Variants in TAF5L observed in about 807,000 individuals in gnomAD.
The protein encoded by TAF5L is TATA-box binding protein associated factor 5 like.
A neutral mutation model predicts 51.3 loss-of-function variants in TAF5L; 7 were observed. That is an observed-to-expected ratio of 0.14 (90% CI 0.08 to 0.26). The LOEUF (loss-of-function observed/expected upper bound fraction) is 0.26. TAF5L is among the 10% of genes least tolerant of loss of function. The pLI is 1.00. For synonymous variants in TAF5L, 291 were observed against 308.1 expected, an observed-to-expected ratio of 0.94 and a Z score of 0.58; for missense variants, 575 against 758.9, an observed-to-expected ratio of 0.76 and a Z score of 2.85.
chr1:229,608,251 G>A (rs1233860821), intron 3 of TAF5L, among the ~76,000 whole-genome samples: 1 of 152,088 alleles, frequency 6.6e-6, no homozygotes, highest in Non-Finnish European at 1.5e-5. Context: ...GGAAATAAGG[G>A]TTACAAAATA....
intron 1 of TAF5L, among the ~76,000 whole-genome samples, chr1:229,617,917 G>C (rs1665066171): frequency 6.6e-6 from 1 of 152,164 alleles, no homozygotes; most frequent in Non-Finnish European, 1.5e-5. Flanking sequence ...TCAACTGTAT[G>C]GCCATGGATC....
intron 2 of TAF5L, 150 bp downstream of exon 2, chr1:229,614,191 A>G (rs1558152324): frequency 7.8e-7 from 1 of 1,287,252 alleles, no homozygotes; most frequent in East Asian, 2.5e-5. Flanking sequence ...TCTGAGGCCA[A>G]CATCATTCAC....
chr1:229,605,128 A>ATATATATATATATATATATATATTT (rs1340196774), intron 3 of TAF5L, among the ~76,000 whole-genome samples: 1 of 145,098 alleles, frequency 6.9e-6, no homozygotes, highest in African/African-American at 2.6e-5. Context: ...ATATATATGT[A>ATATATATATATATATATATATATTT]TTTTTTTTTT....
At chr1:229,614,196 A>T (rs778810758) in intron 2 of TAF5L, 145 bp downstream of exon 2, 1 of 1,332,154 alleles carries the variant, frequency 7.5e-7, no homozygotes. Flanking sequence ...GGCCAACATC[A>T]TTCACTTAAC....
intron 3 of TAF5L, among the ~76,000 whole-genome samples, chr1:229,603,928 C>T (rs1299978904): frequency 6.6e-6 from 1 of 152,254 alleles, no homozygotes; most frequent in Non-Finnish European, 1.5e-5. Flanking sequence ...TCACAGTCAC[C>T]AGTGCTGTCC....
chr1:229,595,052 G>A lies in TAF5L; in HGVS notation c.1015C>T (p.Arg339Trp), dbSNP rs142066323. 3.8e-5 allele frequency: 61 copies of A among 1,611,626 alleles called. No individual in the cohort carries two copies. Among genetic ancestry groups the A allele is most frequent in the East Asian group, 2.9e-4 (13 of 44,840 alleles). ...CTGTACACTGGTCCGCAGTGGCCCC[G>A]CAGTATCTTCATCTCCGTGCCTGCA... Residue 339 changes from arginine to tryptophan, a missense_variant, in exon 5 of 5, where the codon CGG (arginine) becomes TGG (tryptophan). This residue lies in a region of TAF5L where 380 missense variants were observed against 443.7 expected (regional missense o/e 0.86). Transcript: ENST00000258281.
intron 1 of TAF5L, among the ~76,000 whole-genome samples, chr1:229,622,522 C>T (rs957998268): frequency 1.3e-5 from 2 of 152,140 alleles, no homozygotes; most frequent in Admixed American, 6.5e-5. Context: ...AACTCTACTA[C>T]CATTTTCCTT....
intron 4 of TAF5L, among the ~76,000 whole-genome samples, chr1:229,598,081 C>T (rs1001453508): frequency 6.6e-6 from 1 of 152,180 alleles, no homozygotes; most frequent in African/African-American, 2.4e-5. Flanking sequence ...CTGCTATCTA[C>T]GTGGGAGATG....
intron 4 of TAF5L, among the ~76,000 whole-genome samples, chr1:229,597,126 C>A (rs1664153414): frequency 6.6e-6 from 1 of 152,048 alleles, no homozygotes; most frequent in Admixed American, 6.6e-5. Context: ...GAATGACTCA[C>A]TGCTCTACAC....
chr1:229,594,603 C>T lies in TAF5L; in HGVS notation c.1464G>A (p.Glu488=), dbSNP rs568590839. 1 of 1,614,194 alleles carries T rather than the reference C, an allele frequency of 6.2e-7. No individual in the cohort carries two copies. The highest frequency in any genetic ancestry group is 1.3e-5 in the African/African-American group (1 of 75,060). ...AGTCCCACAGCTTCAACCGCTGGTCCTCGCCAGCAGACGCCAAGTACTTAC... is the reference window on the plus strand; with the variant it reads ...AGTCCCACAGCTTCAACCGCTGGTCTTCGCCAGCAGACGCCAAGTACTTAC... The change falls in exon 5 of 5, where the codon GAG becomes GAA. Residue 488 remains glutamate (E), a synonymous_variant. Coordinates refer to ENST00000258281, the Ensembl canonical transcript of TAF5L. This position sits in a 1 kb window ranked among gnomAD's most constrained non-coding sequence, Gnocchi z 7.9.
rs10578192 is a variant in TAF5L, at chr1:229,622,018, CATCTATCTATCTATCTATCTATCTATCT to C, written c.-4+3839_-4+3866del. 3.4e-5 allele frequency among the ~76,000 whole-genome samples: 5 copies of C among 149,056 alleles called. No individual in the cohort carries two copies. In the East Asian group the frequency reaches 5.9e-4, roughly 18 times the overall value. On this transcript the variant is annotated intron_variant, in intron 1 of 4. Transcript: ENST00000258281. The stretch of plus-strand genomic sequence containing the variant: ...AGCAGAACTTCTTTTCATTCATCAT[CATCTATCTATCTATCTATCTATCTATCT>C]ATCTATCTATCTATCTATCTATACA...
chr1:229,594,883 T>C lies in TAF5L; in HGVS notation c.1184A>G (p.Tyr395Cys). The C allele has an allele frequency of 6.2e-7, 1 of 1,614,194 alleles. No homozygotes were observed. Among genetic ancestry groups the C allele is most frequent in the African/African-American group, 1.3e-5 (1 of 75,042 alleles). Reference sequence around the variant, plus strand: ...GGACCCGCTGGCGAAGTACAGGCTATATGGACTGATGTCCAGATCCCACAC... The same window carrying C: ...GGACCCGCTGGCGAAGTACAGGCTACATGGACTGATGTCCAGATCCCACAC... Residue 395 changes from tyrosine (Y) to cysteine (C), a missense_variant, in exon 5 of 5, where the codon TAT (tyrosine) becomes TGT (cysteine). Physicochemically the swap from Tyr to Cys is radical, Grantham distance 194. Transcript: ENST00000258281. The surrounding 1 kb of genome is among the most constrained non-coding windows in gnomAD (Gnocchi z 7.9).
chr1:229,622,696 G>T (rs764289316), intron 1 of TAF5L, among the ~76,000 whole-genome samples: 23 of 152,224 alleles, frequency 1.5e-4, no homozygotes, highest in Non-Finnish European at 2.8e-4. Context: ...CTGCAGCCTT[G>T]ACTGAGCTCA....
intron 3 of TAF5L, among the ~76,000 whole-genome samples, chr1:229,603,745 ACAG>A (rs1255155204): frequency 6.6e-5 from 10 of 152,378 alleles, no homozygotes; most frequent in Non-Finnish European, 8.8e-5. Flanking sequence ...TAAAAGGTGT[ACAG>A]CTTGAATTCA....
rs1196954538 is a variant in TAF5L at position 229,625,670 on chromosome 1, G to C, written c.-4+215C>G. ...GGCCACGCCGCCGGCCGCAGCCCGG[G>C]ACTCGGGAGGCCGAGGGCGGAGGCG... is the stretch of plus-strand genomic sequence containing the variant. On this transcript the variant is annotated intron_variant, in intron 1 of 4. Coordinates refer to ENST00000258281, the Ensembl canonical transcript of TAF5L. This position sits in a 1 kb window ranked among gnomAD's most constrained non-coding sequence, Gnocchi z 4.0. Among the ~76,000 whole-genome samples, 1 of 149,718 alleles carries C rather than the reference G, an allele frequency of 6.7e-6. No individual in the cohort carries two copies. Among genetic ancestry groups the C allele is most frequent in the East Asian group, 2.0e-4 (1 of 5,056 alleles).
rs920042915 is a variant in TAF5L, at chr1:229,625,423, G to T, written c.-4+462C>A. Reference sequence around the variant, plus strand: ...ATCGACTCCACACCCACCCACGCACGATCACCATGTGCAAAGTTGAATCCC... The same window carrying T: ...ATCGACTCCACACCCACCCACGCACTATCACCATGTGCAAAGTTGAATCCC... On this transcript the variant is annotated intron_variant, in intron 1 of 4. Coordinates refer to ENST00000258281, the Ensembl canonical transcript of TAF5L. The surrounding 1 kb of genome is among the most constrained non-coding windows in gnomAD (Gnocchi z 4.0). 6.6e-6 allele frequency among the ~76,000 whole-genome samples: 1 copy of T among 152,090 alleles called. No individual in the cohort carries two copies. Among genetic ancestry groups the T allele is most frequent in the East Asian group, 1.9e-4 (1 of 5,156 alleles).
In TAF5L at chr1:229,615,559, T is replaced by C. The variant is rs182110563; in HGVS notation, c.-3-1074A>G. On this transcript the variant is annotated intron_variant, in intron 1 of 4. Coordinates refer to ENST00000258281, the Ensembl canonical transcript of TAF5L. ...AAGTGACCTGAACAGAAGTAAATTA[T>C]TTTTGAATAATTCAAGCTAATTTGT... Among the ~76,000 whole-genome samples the C allele has an allele frequency of 4.6e-5, 7 of 152,098 alleles. No individual in the cohort carries two copies. In the East Asian group the frequency reaches 5.8e-4, roughly 13 times the overall value.
At chr1:229,608,971 T>C (rs1006860689) in intron 3 of TAF5L, among the ~76,000 whole-genome samples, 5 of 152,144 alleles carry the variant, frequency 3.3e-5, no homozygotes, top group African/African-American at 7.2e-5. Context: ...GCCACTGCAC[T>C]CCTGCCTGGG....
At chr1:229,600,585 T>G in intron 4 of TAF5L, 1 of 985,522 alleles carries the variant, frequency 1.0e-6, no homozygotes, top group Non-Finnish European at 1.2e-6. Flanking sequence ...TACCCTAGTT[T>G]GGCCGCCATA....
Sources: allele counts gnomAD v4.1 joint callset (sites outside exome capture counted in the v4.1 genomes callset), GRCh38; gene constraint gnomAD v4.1.1; regional missense constraint gnomAD v4.1.1; non-coding constraint Gnocchi (gnomAD v3.1); transcripts MANE v1.5; gene names NCBI Gene and HGNC (gene_info 2026-07-23, HGNC 2026-07-21).